The following ATP1A3 variants were observed in gnomAD, a reference collection of about 807,000 sequenced individuals.
The protein encoded by ATP1A3 is ATPase Na+/K+ transporting subunit alpha 3, also known as sodium/potassium-transporting ATPase subunit alpha-3.
A neutral mutation model predicts 108.8 loss-of-function variants in ATP1A3; 12 were observed. The observed-to-expected ratio is 0.11, with a 90% CI of 0.07 to 0.18. The LOEUF (loss-of-function observed/expected upper bound fraction) is 0.18, where lower values mean the gene tolerates loss of function less well. ATP1A3 is among the 10% of genes least tolerant of loss of function. The pLI, the probability that ATP1A3 is intolerant of heterozygous loss-of-function variation, is 1.00. For missense variants in ATP1A3, 498 were observed against 1,387.7 expected, an observed-to-expected ratio of 0.36 and a Z score of 10.19; for synonymous variants, 539 against 564.5, an observed-to-expected ratio of 0.95 and a Z score of 0.64.
chr19:41,977,452 A>G (rs1265683081), intron 14 of ATP1A3, among the ~76,000 whole-genome samples: 1 of 151,448 alleles, frequency 6.6e-6, no homozygotes, highest in East Asian at 2.0e-4. Context: ...TTGGGAGGCC[A>G]AGGCAGGTGG....
rs782799545 is a variant in ATP1A3, at chr19:41,967,215, C to G, written c.3013+34G>C. 1.8e-5 allele frequency: 29 copies of G among 1,613,596 alleles called. No homozygotes were observed. Among genetic ancestry groups the G allele is most frequent in the Non-Finnish European group, 2.4e-5 (28 of 1,179,846 alleles). Reference sequence around the variant, plus strand: ...AGCTGCCTGAGACCCTGCTGCCCCCCGCCCCCCTCGGCTGCCTTGCCGAGC... The same window carrying G: ...AGCTGCCTGAGACCCTGCTGCCCCCGGCCCCCCTCGGCTGCCTTGCCGAGC... On this transcript the variant is annotated intron_variant, in intron 22 of 22. Transcript: ENST00000648268. This position sits in a 1 kb window ranked among gnomAD's most constrained non-coding sequence, Gnocchi z 4.2.
rs893477223 is a variant in ATP1A3 at position 41,988,802 on chromosome 19, C to T, written c.7-240G>A. Among the ~76,000 whole-genome samples the T allele has an allele frequency of 7.9e-5, 12 of 152,268 alleles. No individual in the cohort carries two copies. The highest frequency in any genetic ancestry group is 4.1e-4 in the South Asian group (2 of 4,826). On this transcript the variant is annotated intron_variant, in intron 1 of 22. Coordinates refer to ENST00000648268, the MANE Select transcript of ATP1A3 (RefSeq NM_152296.5). The surrounding 1 kb of genome is among the most constrained non-coding windows in gnomAD (Gnocchi z 5.3). Reference sequence around the variant, plus strand: ...CCTCGTGAGTCTCATCTGCTGCAATCAGCTTCCCTGTCTCTGGTTCTGTGT... The same window carrying T: ...CCTCGTGAGTCTCATCTGCTGCAATTAGCTTCCCTGTCTCTGGTTCTGTGT...
Position 41,986,137 on chromosome 19 carries a change from G to A in ATP1A3, c.450C>T (p.Ser150=). The part of the protein sequence containing the change: ...QEAKSSKIME[S]FKNMVPQQAL... ...TCACCTGGGGCACCATGTTCTTGAA[G>A]GACTCCATGATCTTGGAGCTCTTGG... The change falls in exon 5 of 23, where the codon TCC becomes TCT. Residue 150 remains serine (S), a synonymous_variant. Transcript: ENST00000648268. The A allele has an allele frequency of 6.2e-7, 1 of 1,614,174 alleles. No individual in the cohort carries two copies. The highest frequency in any genetic ancestry group is 8.5e-7 in the Non-Finnish European group (1 of 1,180,032).
chr19:41,988,511 G>A lies in ATP1A3; in HGVS notation c.58C>T (p.Arg20Trp), dbSNP rs782461379. ...SPKKNKGKERRDLDDLKKEVA... is the reference protein window; with the variant it reads ...SPKKNKGKERWDLDDLKKEVA... ...TCCTTCTTGAGGTCATCCAGGTCCC[G>A]GCGCTCCTTGCCCTTGTTCTTCTTG... Residue 20 changes from arginine to tryptophan, a missense_variant, in exon 2 of 23, where the codon CGG becomes TGG. Arg to Trp is a moderately radical substitution (Grantham distance 101). Coordinates refer to ENST00000648268, the MANE Select transcript of ATP1A3 (RefSeq NM_152296.5). This position sits in a 1 kb window ranked among gnomAD's most constrained non-coding sequence, Gnocchi z 5.3. 15 of 1,614,018 alleles carry A rather than the reference G, an allele frequency of 9.3e-6. No homozygotes were observed. The highest frequency in any genetic ancestry group is 1.3e-5 in the African/African-American group (1 of 74,900).
In ATP1A3 at chr19:41,978,605, C is replaced by G; in HGVS notation, c.1630+1G>C. ...CCAGAGCCCGCCCGGCAGCCTCGCACCAAGCACGCGCTCGCCCAGGCCACC... is the reference window on the plus strand; with the variant it reads ...CCAGAGCCCGCCCGGCAGCCTCGCAGCAAGCACGCGCTCGCCCAGGCCACC... On this transcript the variant is annotated splice_donor_variant, in intron 12 of 22. Coordinates refer to ENST00000648268, the MANE Select transcript of ATP1A3 (RefSeq NM_152296.5). LOFTEE classifies it high-confidence loss of function. This position sits in a 1 kb window ranked among gnomAD's most constrained non-coding sequence, Gnocchi z 8.3. The G allele has an allele frequency of 6.2e-7, 1 of 1,613,322 alleles. No individual in the cohort carries two copies.
intron 1 of ATP1A3, chr19:41,993,199 C>A (rs1431862428): frequency 1.9e-6 from 1 of 521,094 alleles, no homozygotes. Flanking sequence ...AGCCCCGCCC[C>A]AGACACACAG....
rs556783674 is a variant in ATP1A3 at position 41,987,681 on chromosome 19, G to A, written c.357+255C>T. Among the ~76,000 whole-genome samples the A allele has an allele frequency of 3.3e-5, 5 of 152,274 alleles. No homozygotes were observed. The South Asian group carries it at 6.2e-4, about 19-fold the overall frequency. ...CCTGCTGGTGTCTGTTCTCAAGGCC[G>A]CTGAGGTCACACAGCCTTGGGACAG... On this transcript the variant is annotated intron_variant, in intron 4 of 22. Transcript: ENST00000648268.
intron 1 of ATP1A3, chr19:41,993,245 C>T: frequency 1.9e-6 from 1 of 538,562 alleles, no homozygotes. Context: ...GTCAGGTGGT[C>T]AGCCAGGGAG....
At chr19:41,982,230 T>TG in intron 8 of ATP1A3, 124 bp from the exon 9 acceptor site, 3 of 1,531,826 alleles carry the variant, frequency 2.0e-6, no homozygotes, top group Non-Finnish European at 2.7e-6. Flanking sequence ...TGGAAAAGAA[T>TG]GAGGCAGCAC....
intron 14 of ATP1A3, among the ~76,000 whole-genome samples, chr19:41,977,695 T>C (rs1295063477): frequency 6.6e-6 from 1 of 151,990 alleles, no homozygotes; most frequent in Non-Finnish European, 1.5e-5. Flanking sequence ...CAAGACTCCA[T>C]CTCAAAAACA....
chr19:41,994,124 C>T lies in ATP1A3; in HGVS notation c.-48G>A. The T allele has an allele frequency of 1.9e-6, 3 of 1,544,224 alleles. No individual in the cohort carries two copies. The highest frequency in any genetic ancestry group is 1.2e-5 in the South Asian group (1 of 83,884). Reference sequence around the variant, plus strand: ...AGCCAGGCGGGCGGGGCGGGGACCTCGGGGCGGGCTCAGGCTCAGGCTTGG... The same window carrying T: ...AGCCAGGCGGGCGGGGCGGGGACCTTGGGGCGGGCTCAGGCTCAGGCTTGG... On this transcript the variant is annotated 5_prime_UTR_variant, in exon 1 of 23. Transcript: ENST00000648268.
Position 41,985,298 on chromosome 19 carries a change from C to T in ATP1A3, c.724+8G>A, listed in dbSNP as rs781886157. 50 of 1,613,862 alleles carry T rather than the reference C, an allele frequency of 3.1e-5. No homozygotes were observed. The highest frequency in any genetic ancestry group is 4.0e-5 in the African/African-American group (3 of 74,920). On this transcript the variant is annotated splice_region_variant and intron_variant, in intron 7 of 22. Coordinates refer to ENST00000648268, the MANE Select transcript of ATP1A3 (RefSeq NM_152296.5). This position sits in a 1 kb window ranked among gnomAD's most constrained non-coding sequence, Gnocchi z 8.2. ...CCCAGCTGTGTGTCTTCTCTGCACC[C>T]GCCTCACCTTCCACACAGTTGGTGG... is the stretch of plus-strand genomic sequence containing the variant.
rs782433771 is a variant in ATP1A3 at position 41,966,677 on chromosome 19, G to A, written c.*260C>T. The A allele has an allele frequency of 4.1e-5, 63 of 1,533,368 alleles. 1 individual carries two copies. In the South Asian group the frequency reaches 6.9e-4, roughly 17 times the overall value. 95.0% of individuals were successfully genotyped at this position (1,533,368 alleles called of 1,614,324 possible). On this transcript the variant is annotated 3_prime_UTR_variant, in exon 23 of 23. Coordinates refer to ENST00000648268, the MANE Select transcript of ATP1A3 (RefSeq NM_152296.5). ...GGAGTAAAAAAGAGCCCAGGGAGGT[G>A]GCTGGGGCGGGAGGAATGGATAGAG...
Position 41,978,017 on chromosome 19 carries a change from A to C in ATP1A3, c.1862T>G (p.Val621Gly). 1 of 1,614,218 alleles carries C rather than the reference A, an allele frequency of 6.2e-7. No homozygotes were observed. The highest frequency in any genetic ancestry group is 8.5e-7 in the Non-Finnish European group (1 of 1,180,032). ...PITAKAIAKG[V>G]GIISEGNETV... is the part of the protein sequence containing the mutation. ...CTCGTTGCCCTCAGAGATGATGCCC[A>C]CACCCTTGGCAATGGCCTTGGCCGT... Residue 621 changes from valine (V) to glycine (G), a missense_variant, in exon 14 of 23, where the codon GTG becomes GGG. By Grantham distance (109) the Val-to-Gly change is moderately radical (BLOSUM62 -3). Transcript: ENST00000648268. This position sits in a 1 kb window ranked among gnomAD's most constrained non-coding sequence, Gnocchi z 8.3.
Position 41,966,781 on chromosome 19 carries a change from G to T in ATP1A3, c.*156C>A, listed in dbSNP as rs781891453. 2 of 1,522,792 alleles carry T rather than the reference G, an allele frequency of 1.3e-6. No individual in the cohort carries two copies. The highest frequency in any genetic ancestry group is 8.9e-7 in the Non-Finnish European group (1 of 1,126,830). The allele number at this position is 1,522,792 out of a possible 1,614,324, so 94.3% of individuals were successfully genotyped here. On this transcript the variant is annotated 3_prime_UTR_variant, in exon 23 of 23. Coordinates refer to ENST00000648268, the MANE Select transcript of ATP1A3 (RefSeq NM_152296.5). ...GGGCAGGGGAGAGAAGCCAGCCAGA[G>T]TGGGGGCGGCAGGAGATAGTGGAGG...
chr19:41,979,066 G>C (rs1295774024), intron 11 of ATP1A3, among the ~76,000 whole-genome samples: 1 of 151,200 alleles, frequency 6.6e-6, no homozygotes, highest in South Asian at 2.1e-4. Context: ...GCAGTGGCAC[G>C]ATCTCAGCTC....
At chr19:41,991,308 C>G (rs1013602661) in intron 1 of ATP1A3, among the ~76,000 whole-genome samples, 63 of 148,472 alleles carry the variant, frequency 4.2e-4, no homozygotes, top group Non-Finnish European at 7.4e-5. Flanking sequence ...TGGGGGTGTG[C>G]AGGGAGGGGC....
rs1227816507 is a variant in ATP1A3 at position 41,978,479 on chromosome 19, C to T, written c.1630+127G>A. On this transcript the variant is annotated intron_variant, in intron 12 of 22. Transcript: ENST00000648268. This position sits in a 1 kb window ranked among gnomAD's most constrained non-coding sequence, Gnocchi z 8.3. ...TAGGATACCTTCCCCTCTCATCCATCCATTCATTCATTCATTCATTCATTT... is the reference window on the plus strand; with the variant it reads ...TAGGATACCTTCCCCTCTCATCCATTCATTCATTCATTCATTCATTCATTT... The T allele has an allele frequency of 1.1e-5, 17 of 1,481,958 alleles. No individual in the cohort carries two copies. Among genetic ancestry groups the T allele is most frequent in the Admixed American group, 1.8e-5 (1 of 56,450 alleles). 91.8% of individuals were successfully genotyped at this position (1,481,958 alleles called of 1,614,324 possible).
In ATP1A3 at chr19:41,967,457, G is replaced by A. The variant is rs1490374573; in HGVS notation, c.2922-117C>T. ...CCAGGATCCTTCGTGCTCACAGGTG[G>A]AGGGTGCCCTGGGCGGGGCTGGGGC... On this transcript the variant is annotated intron_variant, in intron 21 of 22. Coordinates refer to ENST00000648268, the MANE Select transcript of ATP1A3 (RefSeq NM_152296.5). The surrounding 1 kb of genome is among the most constrained non-coding windows in gnomAD (Gnocchi z 4.2). 33 of 1,318,528 alleles carry A rather than the reference G, an allele frequency of 2.5e-5. No individual in the cohort carries two copies. Among genetic ancestry groups the A allele is most frequent in the Non-Finnish European group, 3.3e-5 (32 of 955,242 alleles). 81.7% of individuals were successfully genotyped at this position (1,318,528 alleles called of 1,614,324 possible).
Sources: allele counts gnomAD v4.1 joint callset (sites outside exome capture counted in the v4.1 genomes callset), GRCh38; gene constraint gnomAD v4.1.1; non-coding constraint Gnocchi (gnomAD v3.1); transcripts MANE v1.5; gene names NCBI Gene and HGNC (gene_info 2026-07-23, HGNC 2026-07-21).